The following ABCA4 variants were observed in gnomAD, a reference collection of about 807,000 sequenced individuals.
ABCA4 encodes ATP binding cassette subfamily A member 4.
A neutral mutation model predicts 263.7 loss-of-function variants in ABCA4; 196 were observed. The ratio of observed to expected loss-of-function variants is 0.74; its 90% CI spans 0.66 to 0.84. ABCA4 has a LOEUF of 0.84. Ranked by LOEUF, ABCA4 falls within the 40% of genes least tolerant of loss-of-function variation. The probability of loss-of-function intolerance (pLI) is 0.00; values close to 1 mark genes in which losing one functional copy is unlikely to be tolerated. For synonymous variants in ABCA4, 1,133 were observed against 1,094.2 expected (o/e 1.04, Z -0.70); for missense variants, 2,792 against 2,855.1 (o/e 0.98, Z 0.50).
At chr1:94,036,639 G>T in intron 26 of ABCA4, 101 bp downstream of exon 26, 1 of 1,311,588 alleles carries the variant, frequency 7.6e-7, no homozygotes, top group Non-Finnish European at 1.1e-6. Flanking sequence ...AAATTGCTGG[G>T]ATTACAGGCA....
chr1:94,043,021 T>C (rs1660562461), intron 21 of ABCA4, 123 bp from the exon 22 acceptor site: 3 of 1,404,906 alleles, frequency 2.1e-6, no homozygotes, highest in South Asian at 1.2e-5. Context: ...GCCTCTTAGA[T>C]GTTTATAGCG....
In ABCA4 at chr1:94,111,558, A is replaced by G; in HGVS notation, c.182T>C (p.Met61Thr). The change falls in exon 3 of 50, where the codon ATG (methionine) becomes ACG (threonine). Residue 61 changes from methionine (M) to threonine (T), a missense_variant. Met to Thr is a moderately conservative substitution (Grantham distance 81, BLOSUM62 -1). Transcript: ENST00000370225. ...CCACGGCAGCATTCCTGCTGAGGGC[A>G]TCGCCTTGTTGGGGAAATGGCCTTT... ...HHECHFPNKAMPSAGMLPWLQ... is the reference protein window; with the variant it reads ...HHECHFPNKATPSAGMLPWLQ... The G allele has an allele frequency of 6.2e-7, 1 of 1,614,254 alleles. No individual in the cohort carries two copies. Among genetic ancestry groups the G allele is most frequent in the Admixed American group, 1.7e-5 (1 of 60,034 alleles).
chr1:94,077,945 CTTG>C, intron 10 of ABCA4, 58 bp from the exon 11 acceptor site: 1 of 1,534,416 alleles, frequency 6.5e-7, no homozygotes, highest in South Asian at 1.1e-5. Context: ...GATCTTTGGT[CTTG>C]TTCTTCAGCC....
At chr1:94,068,670 C>T (rs891147379) in intron 11 of ABCA4, among the ~76,000 whole-genome samples, 1 of 152,202 alleles carries the variant, frequency 6.6e-6, no homozygotes, top group African/African-American at 2.4e-5. Flanking sequence ...TGTGTAAAAG[C>T]TGTCTGCTTC....
intron 15 of ABCA4, 62 bp downstream of exon 15, chr1:94,056,539 G>A (rs1298284819): frequency 3.2e-6 from 5 of 1,545,510 alleles, no homozygotes; most frequent in South Asian, 1.2e-5. Flanking sequence ...GGGCCTCCAG[G>A]ACTGCTACGG....
At chr1:94,086,073 T>A (rs1332029969) in intron 6 of ABCA4, among the ~76,000 whole-genome samples, 2 of 152,198 alleles carry the variant, frequency 1.3e-5, no homozygotes. Flanking sequence ...CTATGCTCCA[T>A]GTAGACAGAA....
intron 22 of ABCA4, among the ~76,000 whole-genome samples, chr1:94,042,285 C>T (rs1308480300): frequency 6.6e-6 from 1 of 152,102 alleles, no homozygotes. Flanking sequence ...CTTGCTGTCT[C>T]TTCTGATCTG....
chr1:94,022,906 G>A (rs1195951731), intron 32 of ABCA4, among the ~76,000 whole-genome samples: 3 of 152,152 alleles, frequency 2.0e-5, no homozygotes, highest in Middle Eastern at 3.2e-3. Context: ...TCCTGAGGGA[G>A]GCTGGGAGGC....
chr1:94,041,328 G>A lies in ABCA4; in HGVS notation c.3403C>T (p.Gln1135Ter), dbSNP rs1057517701. The A allele has an allele frequency of 6.2e-7, 1 of 1,613,988 alleles. No individual in the cohort carries two copies. The highest frequency in any genetic ancestry group is 8.5e-7 in the Non-Finnish European group (1 of 1,180,026). Residue 1135 changes from glutamine to a stop codon, truncating the protein, a stop_gained, in exon 23 of 50, where the codon CAG becomes TAG. Transcript: ENST00000370225. LOFTEE classifies it high-confidence loss of function. ...GTGCCTGAGCAGTAGAGCCTTCCCT[G>A]GGCAATGATGGCAATGCGGTCCCCA... ...LLGDRIAIIA[Q>*]GRLYCSGTPL...
At chr1:94,035,284 TC>T (rs1348597593) in intron 26 of ABCA4, among the ~76,000 whole-genome samples, 1 of 152,168 alleles carries the variant, frequency 6.6e-6, no homozygotes, top group Admixed American at 6.5e-5. Context: ...TTAATATGAG[TC>T]TTTGACATTG....
At chr1:94,009,532 C>T (rs1281809202) in intron 40 of ABCA4, among the ~76,000 whole-genome samples, 2 of 152,180 alleles carry the variant, frequency 1.3e-5, no homozygotes, top group Admixed American at 6.5e-5. Context: ...GGCATCTCCC[C>T]CTGGTTCCCA....
At chr1:94,000,489 A>G (rs2100993022) in intron 47 of ABCA4, among the ~76,000 whole-genome samples, 1 of 152,310 alleles carries the variant, frequency 6.6e-6, no homozygotes, top group East Asian at 1.9e-4. Flanking sequence ...GTGGACTCTT[A>G]GTAAATAGGC....
intron 27 of ABCA4, 32 bp from the exon 28 acceptor site, chr1:94,031,152 C>T (rs748989385): frequency 3.7e-6 from 6 of 1,613,450 alleles, no homozygotes; most frequent in Non-Finnish European, 5.1e-6. Flanking sequence ...ATAAACATGA[C>T]TGTGGCATGG....
chr1:94,026,042 G>A (rs1241906706), intron 30 of ABCA4, among the ~76,000 whole-genome samples: 1 of 152,202 alleles, frequency 6.6e-6, no homozygotes, highest in Non-Finnish European at 1.5e-5. Context: ...AGGTGCATGG[G>A]TTTGTCCACC....
Position 94,063,207 on chromosome 1 carries a change from G to A in ABCA4, c.1665C>T (p.Asp555=), listed in dbSNP as rs1557787793. 1.2e-6 allele frequency: 2 copies of A among 1,614,114 alleles called. No homozygotes were observed. The highest frequency in any genetic ancestry group is 1.7e-6 in the Non-Finnish European group (2 of 1,179,996). The stretch of plus-strand genomic sequence containing the variant: ...GTAGAGAGCTGGTCCAGGGATACAT[G>A]TCAGGGAATACCACTCCGGCCCAGA... ...NMFWAGVVFP[D]MYPWTSSLPP... Residue 555 remains aspartate, a synonymous_variant, in exon 12 of 50, where the codon GAC becomes GAT. Transcript: ENST00000370225.
intron 1 of ABCA4, among the ~76,000 whole-genome samples, chr1:94,113,523 C>T (rs1662668126): frequency 6.6e-6 from 1 of 152,216 alleles, no homozygotes; most frequent in South Asian, 2.1e-4. Context: ...TCAGAGGAGG[C>T]AGGTGACCTG....
chr1:94,014,726 C>G lies in ABCA4; in HGVS notation c.5313-36G>C, dbSNP rs772637005. On this transcript the variant is annotated intron_variant, in intron 37 of 49. Transcript: ENST00000370225. The stretch of plus-strand genomic sequence containing the variant: ...TGAGACAACTCAGAGTGATGGAGTT[C>G]CACATTCCATTCCACCTACAATACG... The G allele has an allele frequency of 4.0e-5, 65 of 1,613,312 alleles. 1 individual carries two copies. In the Middle Eastern group the frequency reaches 6.6e-4, roughly 16 times the overall value.
At chr1:94,020,791 A>G (rs1659875398) in intron 35 of ABCA4, among the ~76,000 whole-genome samples, 1 of 152,220 alleles carries the variant, frequency 6.6e-6, no homozygotes. Context: ...ACTGGCTGAA[A>G]CTGTGCAAGA....
chr1:94,015,809 C>T lies in ABCA4; in HGVS notation c.5242G>A (p.Gly1748Arg), dbSNP rs61753025. 2.0e-5 allele frequency: 33 copies of T among 1,613,842 alleles called. No individual in the cohort carries two copies. The highest frequency in any genetic ancestry group is 6.6e-5 in the South Asian group (6 of 91,000). Residue 1748 changes from glycine (G) to arginine (R), a missense_variant, in exon 37 of 50, where the codon GGG becomes AGG. Coordinates refer to ENST00000370225, the MANE Select transcript of ABCA4 (RefSeq NM_000350.3). The part of the protein sequence containing the change: ...SAGLVVGIFI[G>R]FQKKAYTSPE... ...GAAGTGTAGGCTTTCTTCTGAAACCCGATGAAGATGCCCACCACCAGCCCA... is the reference window on the plus strand; with the variant it reads ...GAAGTGTAGGCTTTCTTCTGAAACCTGATGAAGATGCCCACCACCAGCCCA...
Sources: allele counts gnomAD v4.1 joint callset (sites outside exome capture counted in the v4.1 genomes callset), GRCh38; gene constraint gnomAD v4.1.1; transcripts MANE v1.5; gene names NCBI Gene and HGNC (gene_info 2026-07-23, HGNC 2026-07-21).